The following RASL12 variants were observed in gnomAD, a reference collection of about 807,000 sequenced individuals.
The protein encoded by RASL12 is RAS like family 12.
RASL12 carries 16 observed loss-of-function variants against 22.9 expected under a neutral mutation model. The ratio of observed to expected loss-of-function variants is 0.70; its 90% CI spans 0.47 to 1.06. RASL12 has a LOEUF of 1.06. RASL12 is among the 50% of genes least tolerant of loss of function. RASL12 has a pLI of 0.00. For synonymous variants in RASL12, 159 were observed against 152.2 expected (o/e 1.04, Z -0.33); for missense variants, 306 against 353.1 (o/e 0.87, Z 1.07).
chr15:65,068,221 G>A, upstream of RASL12: 1 of 990,788 alleles, frequency 1.0e-6, no homozygotes. The surrounding 1 kb of genome is among the most constrained non-coding windows in gnomAD (Gnocchi z 4.2). Context: ...AGCAGAGAAG[G>A]AGCCCCAGGG....
At chr15:65,064,218 G>A (rs530386522) in intron 2 of RASL12, among the ~76,000 whole-genome samples, 1 of 152,232 alleles carries the variant, frequency 6.6e-6, no homozygotes, top group South Asian at 2.1e-4. Flanking sequence ...AAAATGCATT[G>A]AGTGCCTACT....
chr15:65,066,020 AAAGAG>A (rs535388864), intron 1 of RASL12, among the ~76,000 whole-genome samples: 154 of 97,220 alleles, frequency 1.6e-3, no homozygotes, highest in African/African-American at 3.9e-3. Flanking sequence ...AAAGAAAAGA[AAAGAG>A]AAGAGAAGAG....
upstream of RASL12, among the ~76,000 whole-genome samples, chr15:65,071,693 A>T (rs1261244918): frequency 1.3e-5 from 2 of 152,130 alleles, no homozygotes; most frequent in African/African-American, 4.8e-5. Flanking sequence ...TCCTGCTCTC[A>T]GGAGAGGGCC....
At chr15:65,049,460 A>T (rs868356955), downstream of RASL12, 1 of 152,040 alleles carries the variant, frequency 6.6e-6, no homozygotes, top group South Asian at 2.1e-4. Context: ...AGGCGTGCCA[A>T]TCCCCAGGAG....
At chr15:65,045,858 A>G in the RASL12 span, among the ~76,000 whole-genome samples, 1 of 152,366 alleles carries the variant, frequency 6.6e-6, no homozygotes, top group Non-Finnish European at 1.5e-5. Flanking sequence ...CAAACTGGAT[A>G]CGTGCTTTGA....
chr15:65,065,156 T>A lies in RASL12; in HGVS notation c.160+61A>T. ...GGTCAGTGCCCACCCACGGGGTGGG[T>A]CCCAGGAGAGCACTCCAGATGGGGC... On this transcript the variant is annotated intron_variant, in intron 2 of 4. Coordinates refer to ENST00000220062, the MANE Select transcript of RASL12 (RefSeq NM_016563.4). 12 of 1,543,618 alleles carry A rather than the reference T, an allele frequency of 7.8e-6. No individual in the cohort carries two copies. In the South Asian group the frequency reaches 1.3e-4, roughly 16 times the overall value.
chr15:65,065,380 C>A, intron 1 of RASL12, 107 bp from the exon 2 acceptor site: 1 of 996,834 alleles, frequency 1.0e-6, no homozygotes, highest in Non-Finnish European at 1.5e-6. Context: ...CGGCTGACAC[C>A]AAGCTCAGCT....
At chr15:65,050,836 C>CTTTTTTTTTTTTTTTTTTTTTTTTTTT (rs57404080), downstream of RASL12, among the ~76,000 whole-genome samples, 1 of 95,650 alleles carries the variant, frequency 1.0e-5, no homozygotes, top group Non-Finnish European at 1.9e-5. Context: ...TCTTCTTCTT[C>CTTTTTTTTTTTTTTTTTTTTTTTTTTT]TTTTTTTTTT....
At chr15:65,068,197 C>CCCGG (rs1194881658), upstream of RASL12, 1 of 994,362 alleles carries the variant, frequency 1.0e-6, no homozygotes, top group East Asian at 1.1e-4. This position sits in a 1 kb window ranked among gnomAD's most constrained non-coding sequence, Gnocchi z 4.2. Context: ...CGCCCCCAAA[C>CCCGG]CCGGCCGGGA....
chr15:65,074,981 C>T (rs1367706137), intron 1 of RASL12, among the ~76,000 whole-genome samples: 1 of 152,156 alleles, frequency 6.6e-6, no homozygotes, highest in African/African-American at 2.4e-5. Context: ...CTGGGCTGGC[C>T]AAGGCTGGAG....
intron 3 of RASL12, among the ~76,000 whole-genome samples, chr15:65,058,865 C>T (rs763973146): frequency 3.9e-5 from 6 of 152,270 alleles, no homozygotes; most frequent in Non-Finnish European, 7.3e-5. Flanking sequence ...GAGCCAAAGA[C>T]TCTGGCATGG....
chr15:65,053,749 C>T lies in RASL12; in HGVS notation c.*1150G>A, dbSNP rs1016730497. The stretch of plus-strand genomic sequence containing the variant: ...TGTGCAAGACTTCCCTGGGACCTGG[C>T]GTGTGGTAAACAAAATCAGACAACT... On this transcript the variant is annotated 3_prime_UTR_variant, in exon 5 of 5. Transcript: ENST00000220062. 16 of 986,334 alleles carry T rather than the reference C, an allele frequency of 1.6e-5. No homozygotes were observed. Among genetic ancestry groups the T allele is most frequent in the South Asian group, 4.7e-5 (1 of 21,320 alleles). The allele number at this position is 986,334 out of a possible 1,614,324, so 61.1% of individuals were successfully genotyped here. A position where few individuals can be genotyped will look rare whatever the true frequency, so the allele number is the denominator to read the frequency against.
Position 65,054,673 on chromosome 15 carries a change from G to A in RASL12, c.*226C>T. ...GTCACAGTGGCTGTTTCCCTCTACG[G>A]CCACAGACGCGGTGGTTACCATGAA... On this transcript the variant is annotated 3_prime_UTR_variant, in exon 5 of 5. Coordinates refer to ENST00000220062, the MANE Select transcript of RASL12 (RefSeq NM_016563.4). 7.2e-7 allele frequency: 1 copy of A among 1,384,182 alleles called. No homozygotes were observed. Among genetic ancestry groups the A allele is most frequent in the Non-Finnish European group, 9.3e-7 (1 of 1,070,320 alleles). The allele number at this position is 1,384,182 out of a possible 1,614,324, so 85.7% of individuals were successfully genotyped here. A position where few individuals can be genotyped will look rare whatever the true frequency, so the allele number is the denominator to read the frequency against.
In RASL12 at chr15:65,053,456, A is replaced by G; in HGVS notation, c.*1443T>C. On this transcript the variant is annotated 3_prime_UTR_variant, in exon 5 of 5. Coordinates refer to ENST00000220062, the MANE Select transcript of RASL12 (RefSeq NM_016563.4). ...ATACACACACAAGTGGCCTGGAGCA[A>G]AAGTGCAAAATCCGTAGCTGGCCTG... The G allele has an allele frequency of 8.5e-7, 1 of 1,182,648 alleles. No individual in the cohort carries two copies. Among genetic ancestry groups the G allele is most frequent in the Non-Finnish European group, 1.0e-6 (1 of 953,938 alleles). 73.3% of individuals were successfully genotyped at this position (1,182,648 alleles called of 1,614,324 possible).
chr15:65,053,389 G>A lies in RASL12; in HGVS notation c.*1510C>T. 7.3e-7 allele frequency: 1 copy of A among 1,361,530 alleles called. No homozygotes were observed. The highest frequency in any genetic ancestry group is 9.4e-7 in the Non-Finnish European group (1 of 1,059,956). 84.3% of individuals were successfully genotyped at this position (1,361,530 alleles called of 1,614,324 possible). A position where few individuals can be genotyped will look rare whatever the true frequency, so the allele number is the denominator to read the frequency against. ...AAAATGCTCCTGGAAGGGAGCAGGT[G>A]GTATTGCATAGTTTGTTCAGATGGC... On this transcript the variant is annotated 3_prime_UTR_variant, in exon 5 of 5. Transcript: ENST00000220062.
chr15:65,067,196 G>T (rs1349815215), intron 1 of RASL12, among the ~76,000 whole-genome samples: 1 of 152,076 alleles, frequency 6.6e-6, no homozygotes, highest in Non-Finnish European at 1.5e-5. Context: ...ACGGGGAGGG[G>T]GTGTGGAGGG....
chr15:65,051,241 G>T (rs2086649718), downstream of RASL12, among the ~76,000 whole-genome samples: 1 of 152,148 alleles, frequency 6.6e-6, no homozygotes, highest in Non-Finnish European at 1.5e-5. Context: ...CCCTCCGTAG[G>T]CCTCTGCCCT....
At chr15:65,071,282 C>A (rs1345976722), upstream of RASL12, among the ~76,000 whole-genome samples, 1 of 152,136 alleles carries the variant, frequency 6.6e-6, no homozygotes, top group African/African-American at 2.4e-5. Context: ...TTCTTTGCCC[C>A]CATCCCCAAC....
At chr15:65,059,564 C>T (rs890627280) in intron 2 of RASL12, 146 bp from the exon 3 acceptor site, 1 of 655,548 alleles carries the variant, frequency 1.5e-6, no homozygotes, top group African/African-American at 1.8e-5. Context: ...GGTTCTCACC[C>T]ACATGGAGGC....
Sources: gnomAD v4.1 joint callset for allele counts (sites outside exome capture counted in the v4.1 genomes callset) on GRCh38, gnomAD v4.1.1 for gene constraint, Gnocchi (gnomAD v3.1) non-coding constraint, MANE v1.5 for transcripts, NCBI Gene and HGNC (gene_info 2026-07-23, HGNC 2026-07-21) for gene names.